Variants in CTIF observed in about 807,000 individuals in gnomAD.
CTIF encodes the protein cap binding complex dependent translation initiation factor, also known as CBP80/20-dependent translation initiation factor.
In CTIF, 21 loss-of-function variants were observed where a neutral mutation model predicts 66.0. The ratio of observed to expected loss-of-function variants is 0.32; its 90% CI spans 0.23 to 0.46. CTIF has a LOEUF of 0.46. CTIF is among the 20% of genes least tolerant of loss of function. The pLI, the probability that CTIF is intolerant of heterozygous loss-of-function variation, is 1.00. For missense variants in CTIF, 739 were observed against 812.7 expected, an observed-to-expected ratio of 0.91 and a Z score of 1.10; for synonymous variants, 345 against 326.4, an observed-to-expected ratio of 1.06 and a Z score of -0.62.
At chr18:48,638,965 C>T (rs531601152) in intron 3 of CTIF, among the ~76,000 whole-genome samples, 1 of 152,228 alleles carries the variant, frequency 6.6e-6, no homozygotes. Context: ...TTCCCATCAC[C>T]CCTGACCTGC....
intron 11 of CTIF, among the ~76,000 whole-genome samples, chr18:48,858,782 T>G (rs60151361): frequency 0.12 from 18,595 of 152,132 alleles, 2,873 homozygotes; most frequent in African/African-American, 0.36. Context: ...CCCCACTTCC[T>G]GTCACAAGCA....
At chr18:48,799,754 C>T (rs1366617967) in intron 9 of CTIF, among the ~76,000 whole-genome samples, 1 of 152,170 alleles carries the variant, frequency 6.6e-6, no homozygotes, top group East Asian at 1.9e-4. Context: ...TGCCTTGGAG[C>T]CCCCCATCCA....
intron 9 of CTIF, among the ~76,000 whole-genome samples, chr18:48,807,452 T>TA (rs996520947): frequency 2.9e-4 from 44 of 152,052 alleles, no homozygotes; most frequent in South Asian, 2.1e-4. Context: ...TCTTTCTTTT[T>TA]AAAAAAAACT....
intron 7 of CTIF, among the ~76,000 whole-genome samples, chr18:48,752,855 C>T (rs1907971224): frequency 6.6e-6 from 1 of 152,230 alleles, no homozygotes; most frequent in African/African-American, 2.4e-5. Context: ...TCAGCCAATA[C>T]CATGATGTCC....
intron 7 of CTIF, among the ~76,000 whole-genome samples, chr18:48,754,371 C>G (rs759295693): frequency 1.6e-4 from 25 of 152,190 alleles, no homozygotes; most frequent in Non-Finnish European, 3.4e-4. Flanking sequence ...CTCACGGAGC[C>G]TCGGTTGTCT....
intron 7 of CTIF, among the ~76,000 whole-genome samples, chr18:48,727,587 T>C (rs1443426246): frequency 6.6e-6 from 1 of 152,234 alleles, no homozygotes; most frequent in Non-Finnish European, 1.5e-5. Context: ...CTATTGAGTC[T>C]GTTCCACCAA....
intron 2 of CTIF, among the ~76,000 whole-genome samples, chr18:48,636,311 T>C (rs1397141335): frequency 6.6e-6 from 1 of 152,222 alleles, no homozygotes; most frequent in African/African-American, 2.4e-5. Context: ...TGTACCAAAC[T>C]CAGAATAAGT....
In CTIF at chr18:48,561,837, C is replaced by T. The variant is rs111321800; in HGVS notation, c.-29+22525C>T. Among the ~76,000 whole-genome samples the T allele has an allele frequency of 7.4e-3, 1,128 of 152,282 alleles. 8 individuals are homozygous for T. The highest frequency in any genetic ancestry group is 0.026 in the African/African-American group (1,082 of 41,552). ...ATTACCCCCACTCTATTTTTCTCAT[C>T]GGTAAAATAGGGAATTTGGTCTAGG... On this transcript the variant is annotated intron_variant, in intron 1 of 11. Transcript: ENST00000256413.
At chr18:48,598,683 A>G (rs895754763) in intron 1 of CTIF, among the ~76,000 whole-genome samples, 7 of 152,280 alleles carry the variant, frequency 4.6e-5, no homozygotes, top group South Asian at 2.1e-4. Flanking sequence ...TGTACTTACC[A>G]TTGTGGTCAA....
chr18:48,648,512 C>T (rs2091096508), intron 3 of CTIF, among the ~76,000 whole-genome samples: 2 of 150,808 alleles, frequency 1.3e-5, no homozygotes, highest in African/African-American at 4.9e-5. Context: ...CAAACACACA[C>T]ATGGTGTTGC....
chr18:48,578,663 A>G (rs993754011), intron 1 of CTIF, among the ~76,000 whole-genome samples: 2 of 152,210 alleles, frequency 1.3e-5, no homozygotes, highest in African/African-American at 2.4e-5. Flanking sequence ...AAAAATGTCT[A>G]TCAATTGTTT....
At position 48,575,124 on chromosome 18, in the gene CTIF, G is replaced by C. The variant is rs573097072; in HGVS notation, c.-29+35812G>C. Among the ~76,000 whole-genome samples, 11 of 152,362 alleles carry C rather than the reference G, an allele frequency of 7.2e-5. No homozygotes were observed. The South Asian group carries it at 2.3e-3, about 32-fold the overall frequency. ...TCCAGGGTGCAGGGGAAAGGTCCCA[G>C]CTTCCCCTTTTGAGGTGGCCAAGCA... On this transcript the variant is annotated intron_variant, in intron 1 of 11. Coordinates refer to ENST00000256413, the MANE Select transcript of CTIF (RefSeq NM_014772.3).
At chr18:48,634,366 T>C (rs1010936637) in intron 2 of CTIF, among the ~76,000 whole-genome samples, 6 of 152,154 alleles carry the variant, frequency 3.9e-5, no homozygotes, top group African/African-American at 1.2e-4. Context: ...AATTAATAAA[T>C]ATCTTGGGGG....
chr18:48,771,559 C>T (rs563980407), intron 9 of CTIF, among the ~76,000 whole-genome samples: 1 of 152,352 alleles, frequency 6.6e-6, no homozygotes, highest in Non-Finnish European at 1.5e-5. Context: ...CCTCACCCCC[C>T]ACCCAGGGTT....
intron 3 of CTIF, among the ~76,000 whole-genome samples, chr18:48,644,357 G>A (rs1201059051): frequency 6.6e-6 from 1 of 152,214 alleles, no homozygotes; most frequent in Non-Finnish European, 1.5e-5. Context: ...AAGCTGCAGT[G>A]AGAAGATGTC....
intron 1 of CTIF, among the ~76,000 whole-genome samples, chr18:48,591,407 G>T (rs577001975): frequency 8.1e-4 from 123 of 152,320 alleles, no homozygotes; most frequent in African/African-American, 2.7e-3. Flanking sequence ...TCAGCATCAA[G>T]AAAAGGTCAA....
At chr18:48,707,059 C>G (rs763016100) in intron 6 of CTIF, among the ~76,000 whole-genome samples, 6 of 152,174 alleles carry the variant, frequency 3.9e-5, no homozygotes, top group Non-Finnish European at 7.3e-5. Flanking sequence ...GTAGACCAGA[C>G]AGCCAAAAAG....
chr18:48,572,759 G>A (rs1473484382), intron 1 of CTIF, among the ~76,000 whole-genome samples: 3 of 152,090 alleles, frequency 2.0e-5, no homozygotes, highest in African/African-American at 4.8e-5. Flanking sequence ...AGGGTGAGGC[G>A]GGTGGATTGC....
At position 48,716,012 on chromosome 18, in the gene CTIF, C is replaced by T. The variant is rs568237063; in HGVS notation, c.584+4317C>T. ...GAGCGTTACCTTGGGCGGGGCTGCG[C>T]TCTTTGCCCAGAGCAGTTGTCCTAG... is the stretch of plus-strand genomic sequence containing the variant. On this transcript the variant is annotated intron_variant, in intron 7 of 11. Transcript: ENST00000256413. Among the ~76,000 whole-genome samples the T allele has an allele frequency of 2.0e-5, 3 of 152,316 alleles. No homozygotes were observed. In the South Asian group the frequency reaches 6.2e-4, roughly 32 times the overall value.
Sources: gnomAD v4.1 joint callset for allele counts (sites outside exome capture counted in the v4.1 genomes callset) on GRCh38, gnomAD v4.1.1 for gene constraint, MANE v1.5 for transcripts, NCBI Gene and HGNC (gene_info 2026-07-23, HGNC 2026-07-21) for gene names.